The following SNUPN variants were observed in gnomAD, a reference collection of about 807,000 sequenced individuals.
SNUPN encodes the protein snurportin 1, also known as snurportin-1.
SNUPN carries 31 observed loss-of-function variants against 39.2 expected under a neutral mutation model. The observed-to-expected ratio is 0.79, with a 90% CI of 0.59 to 1.07. The LOEUF is 1.07. Among genes scored for constraint, SNUPN ranks in the 50% least tolerant of loss-of-function variants. The pLI is 0.00. For missense variants in SNUPN, 382 were observed against 434.2 expected, an observed-to-expected ratio of 0.88 and a Z score of 1.07; for synonymous variants, 132 against 159.0, an observed-to-expected ratio of 0.83 and a Z score of 1.28.
Position 75,617,504 on chromosome 15 carries a change from GTCA to G in SNUPN, c.204_206del (p.Asp69del). The G allele has an allele frequency of 6.2e-7, 1 of 1,613,508 alleles. No homozygotes were observed. The highest frequency in any genetic ancestry group is 8.5e-7 in the Non-Finnish European group (1 of 1,179,962). ...CTTCCTCACTCTCCATCCCTGTCCA[GTCA>G]TCTTCAGCCAGTCTTCTGGCATGGT... On this transcript the variant is annotated inframe_deletion, in exon 3 of 9. Transcript: ENST00000308588.
chr15:75,618,698 AAAGGCAC>A (rs1892995487), intron 2 of SNUPN, among the ~76,000 whole-genome samples: 1 of 152,186 alleles, frequency 6.6e-6, no homozygotes, highest in Admixed American at 6.5e-5. Flanking sequence ...CTCATTATAA[AAAGGCAC>A]ACACCAGAGA....
At chr15:75,624,387 G>A (rs1233066390) in intron 1 of SNUPN, among the ~76,000 whole-genome samples, 1 of 149,648 alleles carries the variant, frequency 6.7e-6, no homozygotes, top group African/African-American at 2.5e-5. Context: ...GGCCTGGCGC[G>A]GTGGCTCACG....
intron 1 of SNUPN, among the ~76,000 whole-genome samples, chr15:75,621,491 G>A: frequency 6.6e-6 from 1 of 152,024 alleles, no homozygotes; most frequent in South Asian, 2.1e-4. Context: ...TGAACTCTTG[G>A]GCTCAAGCAA....
In SNUPN at chr15:75,605,071, A is replaced by G. The variant is rs143073218; in HGVS notation, c.678+79T>C. 662 of 856,788 alleles carry G rather than the reference A, an allele frequency of 7.7e-4. 2 individuals are homozygous for G. Among genetic ancestry groups the G allele is most frequent in the Middle Eastern group, 2.3e-4 (1 of 4,430 alleles). 53.1% of individuals were successfully genotyped at this position (856,788 alleles called of 1,614,324 possible). A position where few individuals can be genotyped will look rare whatever the true frequency, so the allele number is the denominator to read the frequency against. On this transcript the variant is annotated intron_variant, in intron 7 of 8. Coordinates refer to ENST00000308588, the MANE Select transcript of SNUPN (RefSeq NM_005701.4). ...TGCCTCAAAAAAGATCATTTCATACATAATGATTATATTTAGATAACAGAC... is the reference window on the plus strand; with the variant it reads ...TGCCTCAAAAAAGATCATTTCATACGTAATGATTATATTTAGATAACAGAC...
rs751464791 is a variant in SNUPN at position 75,598,588 on chromosome 15, C to T, written c.853G>A (p.Val285Ile). Residue 285 changes from valine to isoleucine, a missense_variant, in exon 9 of 9, where the codon GTC becomes ATC. Coordinates refer to ENST00000308588, the MANE Select transcript of SNUPN (RefSeq NM_005701.4). ...CCAGCCGGCACAGCTACACCAAGGA[C>T]ATCTGACACCATGTAGGGGCGCAGC... ...GWLRPYMVSDVLGVAVPAGPL... is the reference protein window; with the variant it reads ...GWLRPYMVSDILGVAVPAGPL... 5 of 1,614,214 alleles carry T rather than the reference C, an allele frequency of 3.1e-6. No individual in the cohort carries two copies. The highest frequency in any genetic ancestry group is 1.3e-5 in the African/African-American group (1 of 75,052).
intron 7 of SNUPN, among the ~76,000 whole-genome samples, chr15:75,604,604 C>G (rs1053917584): frequency 6.6e-6 from 1 of 152,142 alleles, no homozygotes; most frequent in African/African-American, 2.4e-5. Flanking sequence ...GGAGGACTTG[C>G]ATATTTATAT....
At chr15:75,604,379 C>G (rs749595197) in intron 7 of SNUPN, among the ~76,000 whole-genome samples, 10 of 152,042 alleles carry the variant, frequency 6.6e-5, no homozygotes, top group Admixed American at 6.6e-5. Context: ...TCAGGCTGGT[C>G]TCGAATTCCT....
intron 1 of SNUPN, among the ~76,000 whole-genome samples, chr15:75,622,938 G>A (rs1893109917): frequency 2.0e-5 from 3 of 152,064 alleles, no homozygotes; most frequent in African/African-American, 4.8e-5. Flanking sequence ...CCAGGAGTTC[G>A]AAGCCAGCCT....
chr15:75,606,779 G>T (rs2141365727), intron 6 of SNUPN, among the ~76,000 whole-genome samples: 1 of 152,266 alleles, frequency 6.6e-6, no homozygotes, highest in Middle Eastern at 3.4e-3. Context: ...GATGTGGTTG[G>T]TGAAGGAGTG....
chr15:75,601,314 C>G, intron 7 of SNUPN, 96 bp from the exon 8 acceptor site: 7 of 833,386 alleles, frequency 8.4e-6, no homozygotes, highest in Non-Finnish European at 1.4e-5. Flanking sequence ...GTGGCTCACA[C>G]CTGTAATCCC....
intron 8 of SNUPN, among the ~76,000 whole-genome samples, chr15:75,600,043 A>C (rs1036406794): frequency 4.6e-5 from 7 of 151,816 alleles, no homozygotes; most frequent in Non-Finnish European, 1.0e-4. Flanking sequence ...CCGGGGTTTC[A>C]CCATGTTGGC....
chr15:75,601,235 A>G lies in SNUPN; in HGVS notation c.679-17T>C, dbSNP rs1202057111. 1 of 1,555,510 alleles carries G rather than the reference A, an allele frequency of 6.4e-7. No individual in the cohort carries two copies. The highest frequency in any genetic ancestry group is 8.9e-7 in the Non-Finnish European group (1 of 1,127,086). ...AAATTTAAACTGAAATAGAAATTAG[A>G]ACAAGGAATTAGTACGTTATAAATG... On this transcript the variant is annotated splice_polypyrimidine_tract_variant and intron_variant, in intron 7 of 8. Coordinates refer to ENST00000308588, the MANE Select transcript of SNUPN (RefSeq NM_005701.4).
chr15:75,614,821 G>A (rs1185863726), intron 3 of SNUPN, among the ~76,000 whole-genome samples: 2 of 152,126 alleles, frequency 1.3e-5, no homozygotes, highest in Non-Finnish European at 2.9e-5. Context: ...TAATACTTGT[G>A]GGGCACTTCC....
intron 7 of SNUPN, among the ~76,000 whole-genome samples, chr15:75,602,874 T>A (rs1025070414): frequency 6.6e-6 from 1 of 152,022 alleles, no homozygotes; most frequent in Non-Finnish European, 1.5e-5. Context: ...CCCAAAGTGA[T>A]GGGATTATAG....
At chr15:75,602,456 G>A (rs927204233) in intron 7 of SNUPN, among the ~76,000 whole-genome samples, 2 of 151,554 alleles carry the variant, frequency 1.3e-5, no homozygotes, top group Non-Finnish European at 2.9e-5. Context: ...AACCTGGGAG[G>A]CGGAGGTTGC....
At chr15:75,598,913 A>AT (rs2075263806) in intron 8 of SNUPN, among the ~76,000 whole-genome samples, 1 of 152,096 alleles carries the variant, frequency 6.6e-6, no homozygotes, top group Non-Finnish European at 1.5e-5. Context: ...CATGCTTATA[A>AT]TTCCAGCACT....
chr15:75,602,519 C>T (rs1448676557), intron 7 of SNUPN, among the ~76,000 whole-genome samples: 3 of 125,744 alleles, frequency 2.4e-5, no homozygotes, highest in Admixed American at 1.5e-4. Flanking sequence ...GAGCAAGACT[C>T]GGTCTCAAAA....
In SNUPN at chr15:75,609,515, A is replaced by G. The variant is rs1277203636; in HGVS notation, c.502+43T>C. On this transcript the variant is annotated intron_variant, in intron 5 of 8. Transcript: ENST00000308588. ...AAAGTGGGTCTTTAAAGCAAATTAC[A>G]CTGTCTTTTACTGATCAATAAGTAG... The G allele has an allele frequency of 2.0e-6, 3 of 1,528,934 alleles. No homozygotes were observed. The Admixed American group carries it at 5.0e-5, about 26-fold the overall frequency. The allele number at this position is 1,528,934 out of a possible 1,614,324, so 94.7% of individuals were successfully genotyped here.
chr15:75,616,016 A>AGG (rs1892924053), intron 3 of SNUPN, among the ~76,000 whole-genome samples: 1 of 152,186 alleles, frequency 6.6e-6, no homozygotes, highest in Non-Finnish European at 1.5e-5. Flanking sequence ...AGTTTAACAC[A>AGG]GAGCAGGTCT....
Sources: gnomAD v4.1 joint callset for allele counts (sites outside exome capture counted in the v4.1 genomes callset) on GRCh38, gnomAD v4.1.1 for gene constraint, MANE v1.5 for transcripts, NCBI Gene and HGNC (gene_info 2026-07-23, HGNC 2026-07-21) for gene names.